ABCC4: variants seen among roughly 807,000 people sequenced by gnomAD.
ABCC4 encodes the protein ATP-binding cassette sub-family C member 4.
In ABCC4, 102 loss-of-function variants were observed where a neutral mutation model predicts 168.5. That is an observed-to-expected ratio of 0.61 (90% CI 0.52 to 0.71). ABCC4 has a LOEUF of 0.71. ABCC4 is among the 30% of genes least tolerant of loss of function. The pLI, the probability that ABCC4 is intolerant of heterozygous loss-of-function variation, is 0.00. For missense variants in ABCC4, 1,402 were observed against 1,605.8 expected (o/e 0.87, Z 2.17); for synonymous variants, 617 against 590.7 (o/e 1.04, Z -0.65).
intron 16 of ABCC4, 140 bp downstream of exon 16, chr13:95,164,238 T>G (rs977888468): frequency 3.0e-6 from 3 of 988,416 alleles, no homozygotes; most frequent in Non-Finnish European, 4.5e-6. Context: ...GGAACACCAG[T>G]AGGCAGCCCT....
In ABCC4 at chr13:95,047,476, C is replaced by CTTTTT. The variant is rs71111586; in HGVS notation, c.3457-3043_3457-3039dup. ...CCTGGACAATGAAATACTGCCTATT[C>CTTTTT]TTTTTTTTTTTTTTTTTTTTTGAGG... On this transcript the variant is annotated intron_variant, in intron 27 of 30. Coordinates refer to ENST00000645237, the MANE Select transcript of ABCC4 (RefSeq NM_005845.5). Among the ~76,000 whole-genome samples the CTTTTT allele has an allele frequency of 3.8e-3, 314 of 83,262 alleles. 15 individuals are homozygous for CTTTTT. Among genetic ancestry groups the CTTTTT allele is most frequent in the African/African-American group, 7.0e-3 (137 of 19,562 alleles). The allele number at this position is 83,262 out of a possible 152,430, so 54.6% of individuals were successfully genotyped here.
chr13:95,163,758 G>A (rs370698224), intron 16 of ABCC4, 111 bp from the exon 17 acceptor site: 52 of 898,634 alleles, frequency 5.8e-5, no homozygotes, highest in African/African-American at 5.2e-4. Flanking sequence ...AAAGCCGGGC[G>A]TGGTGGCTCA....
At chr13:95,162,580 T>C (rs2037133711) in intron 18 of ABCC4, among the ~76,000 whole-genome samples, 2 of 152,124 alleles carry the variant, frequency 1.3e-5, no homozygotes, top group Admixed American at 1.3e-4. Flanking sequence ...AGACACTGGA[T>C]TTTTCCCTGC....
chr13:95,124,972 A>C (rs1016717808), intron 19 of ABCC4, among the ~76,000 whole-genome samples: 11 of 152,136 alleles, frequency 7.2e-5, no homozygotes, highest in African/African-American at 2.7e-4. Flanking sequence ...AGGCACACAA[A>C]CCTAGAAGAG....
chr13:95,247,797 C>A (rs1309043662), intron 1 of ABCC4, 44 bp from the exon 2 acceptor site: 3 of 1,510,068 alleles, frequency 2.0e-6, no homozygotes. Context: ...ATTACACATC[C>A]GTGTTTAAGT....
At chr13:95,272,551 T>C (rs927466223) in intron 1 of ABCC4, among the ~76,000 whole-genome samples, 3 of 152,308 alleles carry the variant, frequency 2.0e-5, no homozygotes, top group African/African-American at 7.2e-5. Context: ...ATTCAGTGGA[T>C]TATAAACTCC....
chr13:95,118,843 G>A lies in ABCC4; in HGVS notation c.2456-2842C>T, dbSNP rs117757979. The stretch of plus-strand genomic sequence containing the variant: ...TCTTGCCTTCCGGGAACATCCAATC[G>A]TTGCTGCTGATTCTGCCCTTACAAC... On this transcript the variant is annotated intron_variant, in intron 19 of 30. Coordinates refer to ENST00000645237, the MANE Select transcript of ABCC4 (RefSeq NM_005845.5). Among the ~76,000 whole-genome samples the A allele has an allele frequency of 2.1e-4, 32 of 152,294 alleles. No homozygotes were observed. In the East Asian group the frequency reaches 3.9e-3, roughly 18 times the overall value.
At chr13:95,146,222 AAAAG>A (rs2036489508) in intron 19 of ABCC4, among the ~76,000 whole-genome samples, 1 of 151,896 alleles carries the variant, frequency 6.6e-6, no homozygotes, top group African/African-American at 2.4e-5. Context: ...AAAAAAAAAA[AAAAG>A]AAGGGAACAA....
chr13:95,029,211 T>G (rs867699966), intron 30 of ABCC4, among the ~76,000 whole-genome samples: 37 of 43,584 alleles, frequency 8.5e-4, no homozygotes, highest in African/African-American at 3.0e-3. Context: ...TATATATATA[T>G]ATAGAGAGAG....
Position 95,213,743 on chromosome 13 carries a change from A to G in ABCC4, c.532-2962T>C, listed in dbSNP as rs564273231. Among the ~76,000 whole-genome samples the G allele has an allele frequency of 4.1e-4, 62 of 152,312 alleles. No individual in the cohort carries two copies. The South Asian group carries it at 4.4e-3, about 11-fold the overall frequency. On this transcript the variant is annotated intron_variant, in intron 4 of 30. Coordinates refer to ENST00000645237, the MANE Select transcript of ABCC4 (RefSeq NM_005845.5). ...AGTTCAGAATGGAGCTACCTGCCCTATGATTAACTGATTGACAGACAGACA... is the reference window on the plus strand; with the variant it reads ...AGTTCAGAATGGAGCTACCTGCCCTGTGATTAACTGATTGACAGACAGACA...
At chr13:95,209,392 A>C in intron 6 of ABCC4, 42 bp downstream of exon 6, 1 of 1,597,900 alleles carries the variant, frequency 6.3e-7, no homozygotes, top group South Asian at 1.1e-5. Context: ...TGTGGATGTT[A>C]CCAAATACAT....
At chr13:95,188,776 A>G (rs1182833446) in intron 9 of ABCC4, among the ~76,000 whole-genome samples, 1 of 152,188 alleles carries the variant, frequency 6.6e-6, no homozygotes, top group Non-Finnish European at 1.5e-5. Context: ...CCCTTTTACC[A>G]GATTTTCATG....
At chr13:95,201,846 G>A (rs1381954689) in intron 8 of ABCC4, among the ~76,000 whole-genome samples, 4 of 152,116 alleles carry the variant, frequency 2.6e-5, no homozygotes, top group Admixed American at 6.5e-5. Flanking sequence ...GGTGGCTCAC[G>A]CCTGTAATCC....
At chr13:95,053,044 A>G in intron 27 of ABCC4, 51 bp downstream of exon 27, 1 of 1,479,612 alleles carries the variant, frequency 6.8e-7, no homozygotes, top group Non-Finnish European at 9.5e-7. Flanking sequence ...AAAGGTACAT[A>G]TACACATACT....
At chr13:95,139,370 TAC>T (rs2036242148) in intron 19 of ABCC4, among the ~76,000 whole-genome samples, 1 of 152,152 alleles carries the variant, frequency 6.6e-6, no homozygotes, top group Non-Finnish European at 1.5e-5. Context: ...AATAAATAAA[TAC>T]CCAGTGGTCA....
At position 95,246,453 on chromosome 13, in the gene ABCC4, C is replaced by T. The variant is rs1221077454; in HGVS notation, c.306+522G>A. Among the ~76,000 whole-genome samples the T allele has an allele frequency of 2.0e-5, 3 of 152,216 alleles. No individual in the cohort carries two copies. In the East Asian group the frequency reaches 5.8e-4, roughly 29 times the overall value. On this transcript the variant is annotated intron_variant, in intron 3 of 30. Coordinates refer to ENST00000645237, the MANE Select transcript of ABCC4 (RefSeq NM_005845.5). ...GGTGCAAGGCCCTCAGCTCTGTTTC[C>T]CCGAGAGGGGAGAGGTGACAATACC...
chr13:95,281,014 C>T (rs4773868), intron 1 of ABCC4, among the ~76,000 whole-genome samples: 149,683 of 151,940 alleles, frequency 0.99, 73,771 homozygotes, highest in East Asian at 1. Context: ...CATCTCTTTT[C>T]TTTTAATACT....
At chr13:95,232,771 C>A (rs2039659681) in intron 4 of ABCC4, among the ~76,000 whole-genome samples, 1 of 152,130 alleles carries the variant, frequency 6.6e-6, no homozygotes, top group African/African-American at 2.4e-5. Flanking sequence ...GCTCTTGACA[C>A]TAGCATCTCT....
chr13:95,192,029 C>A (rs182601560), intron 9 of ABCC4, among the ~76,000 whole-genome samples: 227 of 152,368 alleles, frequency 1.5e-3, no homozygotes, highest in Non-Finnish European at 2.6e-3. Flanking sequence ...ACTGAGCCCC[C>A]ACTCTGTGGG....
Sources: allele counts gnomAD v4.1 joint callset (sites outside exome capture counted in the v4.1 genomes callset), GRCh38; gene constraint gnomAD v4.1.1; transcripts MANE v1.5; gene names NCBI Gene and HGNC (gene_info 2026-07-23, HGNC 2026-07-21).